TCF12: variants seen among roughly 807,000 people sequenced by gnomAD.
The protein encoded by TCF12 is transcription factor 12.
In TCF12, 45 loss-of-function variants were observed where a neutral mutation model predicts 86.0. That is an observed-to-expected ratio of 0.52 (90% CI 0.41 to 0.67). The LOEUF is 0.67. Ranked by LOEUF, TCF12 falls within the 30% of genes least tolerant of loss-of-function variation. TCF12 has a pLI of 0.00. For synonymous variants in TCF12, 330 were observed against 299.6 expected (o/e 1.10, Z -1.05); for missense variants, 881 against 859.9 (o/e 1.02, Z -0.31).
chr15:57,075,830 C>CTT (rs1567371148), intron 4 of TCF12, among the ~76,000 whole-genome samples: 1,079 of 50,212 alleles, frequency 0.021, 42 homozygotes, highest in Middle Eastern at 0.061. Context: ...CTCTCTCTCT[C>CTT]TCTCTTTTCT....
chr15:57,191,903 C>A (rs575686933), intron 6 of TCF12, among the ~76,000 whole-genome samples: 2 of 151,310 alleles, frequency 1.3e-5, no homozygotes, highest in Non-Finnish European at 2.9e-5. Flanking sequence ...CACTACACTC[C>A]AGCCTGGGCA....
intron 3 of TCF12, among the ~76,000 whole-genome samples, chr15:56,948,716 G>A (rs938679147): frequency 2.8e-4 from 43 of 152,292 alleles, no homozygotes; most frequent in African/African-American, 1.0e-3. Context: ...AAGTACAGAG[G>A]TACCAAAAGT....
At chr15:57,154,506 A>G (rs1047038614) in intron 5 of TCF12, among the ~76,000 whole-genome samples, 6 of 152,168 alleles carry the variant, frequency 3.9e-5, no homozygotes, top group Non-Finnish European at 7.4e-5. Context: ...TTTTTCCTCT[A>G]TGTTACAAAA....
chr15:57,089,855 A>G (rs2048880085), intron 4 of TCF12, among the ~76,000 whole-genome samples: 1 of 152,156 alleles, frequency 6.6e-6, no homozygotes, highest in South Asian at 2.1e-4. Context: ...GAAGGGTGGC[A>G]GAGAGAACAC....
chr15:57,164,505 A>C (rs2054724826), intron 5 of TCF12, among the ~76,000 whole-genome samples: 1 of 151,942 alleles, frequency 6.6e-6, no homozygotes, highest in African/African-American at 2.4e-5. Context: ...TCTTGTGAGA[A>C]CTCACTATCA....
At chr15:56,979,116 T>G (rs944772034) in intron 3 of TCF12, among the ~76,000 whole-genome samples, 18 of 152,306 alleles carry the variant, frequency 1.2e-4, no homozygotes, top group African/African-American at 4.3e-4. Flanking sequence ...TTTGTTTTCT[T>G]GTTTACTTTG....
At chr15:57,232,234 C>G (rs538245976) in intron 9 of TCF12, 57 bp from the exon 10 acceptor site, 13 of 1,600,956 alleles carry the variant, frequency 8.1e-6, no homozygotes, top group Middle Eastern at 3.4e-4. Context: ...TAAGCAACAT[C>G]AAAATACAAG....
intron 18 of TCF12, among the ~76,000 whole-genome samples, chr15:57,268,426 C>CT (rs1469473357): frequency 6.6e-6 from 1 of 152,146 alleles, no homozygotes; most frequent in Non-Finnish European, 1.5e-5. Context: ...GACAGAGTCT[C>CT]TGTTTGTCAC....
intron 5 of TCF12, among the ~76,000 whole-genome samples, chr15:57,092,870 C>A (rs1192626730): frequency 6.6e-6 from 1 of 152,116 alleles, no homozygotes; most frequent in Non-Finnish European, 1.5e-5. Context: ...TAAGACACAG[C>A]CATACTAATC....
chr15:57,055,958 C>T lies in TCF12; in HGVS notation c.149-7792C>T, dbSNP rs570108333. Among the ~76,000 whole-genome samples, 17 of 152,108 alleles carry T rather than the reference C, an allele frequency of 1.1e-4. No homozygotes were observed. In the East Asian group the frequency reaches 2.9e-3, roughly 26 times the overall value. On this transcript the variant is annotated intron_variant, in intron 3 of 20. Transcript: ENST00000333725. The stretch of plus-strand genomic sequence containing the variant: ...AATATCTTCCCTTAGGTCTCTGAGG[C>T]CCTGTTTGTTTTCTTTTAATCCTTT...
intron 5 of TCF12, among the ~76,000 whole-genome samples, chr15:57,112,137 C>T (rs1371787795): frequency 6.6e-6 from 1 of 152,164 alleles, no homozygotes; most frequent in Non-Finnish European, 1.5e-5. Context: ...GTACTCAAAA[C>T]TTTTTAGTCC....
chr15:57,212,199 G>C (rs1029068072), intron 8 of TCF12, among the ~76,000 whole-genome samples: 4 of 152,144 alleles, frequency 2.6e-5, no homozygotes, highest in Non-Finnish European at 5.9e-5. Flanking sequence ...AACTCAGTAT[G>C]GCAATGCTTC....
chr15:57,262,812 G>T (rs1189454994), intron 17 of TCF12, among the ~76,000 whole-genome samples: 2 of 152,156 alleles, frequency 1.3e-5, no homozygotes, highest in African/African-American at 4.8e-5. Context: ...TTAGAAGTTA[G>T]TTTCTAAAAT....
intron 4 of TCF12, among the ~76,000 whole-genome samples, chr15:57,083,740 A>C (rs2048457140): frequency 6.6e-6 from 1 of 152,116 alleles, no homozygotes; most frequent in Non-Finnish European, 1.5e-5. Flanking sequence ...GTATTCCACC[A>C]TATCTGGCTG....
intron 5 of TCF12, among the ~76,000 whole-genome samples, chr15:57,162,545 T>G (rs2054576728): frequency 6.6e-6 from 1 of 152,208 alleles, no homozygotes; most frequent in Admixed American, 6.5e-5. Flanking sequence ...TAAGTATCAT[T>G]TTGAAAATAA....
At chr15:57,164,607 A>G (rs183542457) in intron 5 of TCF12, among the ~76,000 whole-genome samples, 14 of 152,258 alleles carry the variant, frequency 9.2e-5, no homozygotes, top group Middle Eastern at 6.8e-3. Flanking sequence ...GGGATCTACA[A>G]TTCAGGGTGA....
chr15:57,179,857 A>G (rs1386046897), intron 6 of TCF12, among the ~76,000 whole-genome samples: 1 of 152,036 alleles, frequency 6.6e-6, no homozygotes, highest in African/African-American at 2.4e-5. Flanking sequence ...GGAACTATTC[A>G]GGTTGCACAA....
chr15:56,950,745 G>GC (rs1555455322), intron 3 of TCF12, among the ~76,000 whole-genome samples: 43,515 of 85,770 alleles, frequency 0.51, 18,957 homozygotes, highest in South Asian at 0.57. Context: ...TTATGACCAT[G>GC]TTTTTTTTTT....
intron 6 of TCF12, among the ~76,000 whole-genome samples, chr15:57,181,907 C>G (rs1357652638): frequency 1.3e-5 from 2 of 151,966 alleles, no homozygotes; most frequent in Non-Finnish European, 2.9e-5. Context: ...ATATTTTTCA[C>G]AGAGAAAAAT....
Sources: allele counts gnomAD v4.1 joint callset (sites outside exome capture counted in the v4.1 genomes callset), GRCh38; gene constraint gnomAD v4.1.1; transcripts MANE v1.5; gene names NCBI Gene and HGNC (gene_info 2026-07-23, HGNC 2026-07-21).